GRIK2: variants seen among roughly 807,000 people sequenced by gnomAD.
GRIK2 encodes glutamate receptor ionotropic, kainate 2.
In GRIK2, 32 loss-of-function variants were observed where a neutral mutation model predicts 100.3. The observed-to-expected ratio is 0.32, with a 90% CI of 0.24 to 0.43. The LOEUF (loss-of-function observed/expected upper bound fraction) is 0.43, where lower values mean the gene tolerates loss of function less well. Ranked by LOEUF, GRIK2 falls within the 20% of genes least tolerant of loss-of-function variation. GRIK2 has a pLI of 1.00. For synonymous variants in GRIK2, 417 were observed against 389.4 expected, an observed-to-expected ratio of 1.07 and a Z score of -0.83; for missense variants, 843 against 1,114.9, an observed-to-expected ratio of 0.76 and a Z score of 3.47.
intron 15 of GRIK2, among the ~76,000 whole-genome samples, chr6:102,053,735 A>T (rs999445693): frequency 2.0e-5 from 3 of 152,164 alleles, no homozygotes; most frequent in African/African-American, 7.2e-5. Context: ...GGATGGATGG[A>T]CTGATTGGAC....
chr6:101,606,959 G>C (rs1445539277), intron 2 of GRIK2, among the ~76,000 whole-genome samples: 1 of 151,932 alleles, frequency 6.6e-6, no homozygotes, highest in African/African-American at 2.4e-5. Context: ...ACAGGTATGT[G>C]AGAAGAAAAA....
At chr6:101,882,069 C>A (rs376829478) in intron 11 of GRIK2, among the ~76,000 whole-genome samples, 1 of 151,886 alleles carries the variant, frequency 6.6e-6, no homozygotes, top group Non-Finnish European at 1.5e-5. Flanking sequence ...AGGGGAAACC[C>A]CTTATAAAAT....
chr6:101,673,115 T>C (rs1770563616), intron 4 of GRIK2, among the ~76,000 whole-genome samples: 1 of 152,124 alleles, frequency 6.6e-6, no homozygotes, highest in Admixed American at 6.6e-5. Context: ...ACTATATCTC[T>C]GACAAAGGTC....
At chr6:101,760,768 C>A (rs1777599783) in intron 7 of GRIK2, among the ~76,000 whole-genome samples, 1 of 118,360 alleles carries the variant, frequency 8.4e-6, no homozygotes, top group African/African-American at 3.5e-5. Flanking sequence ...ATATATAAAT[C>A]AAGGTTAACA....
chr6:101,487,757 T>C (rs1772904113), intron 2 of GRIK2, among the ~76,000 whole-genome samples: 1 of 146,740 alleles, frequency 6.8e-6, no homozygotes, highest in Non-Finnish European at 1.5e-5. Flanking sequence ...TTTTTTGTTC[T>C]AGTGTTATGG....
intron 2 of GRIK2, among the ~76,000 whole-genome samples, chr6:101,462,699 C>A (rs544536906): frequency 5.9e-4 from 90 of 152,184 alleles, no homozygotes; most frequent in African/African-American, 2.1e-3. Context: ...AAGTAAACTG[C>A]GAATGAAGAA....
intron 2 of GRIK2, among the ~76,000 whole-genome samples, chr6:101,601,501 T>A: frequency 6.6e-6 from 1 of 151,918 alleles, no homozygotes; most frequent in East Asian, 1.9e-4. Context: ...ATAGTTCTGG[T>A]AGAATTAGTA....
intron 2 of GRIK2, among the ~76,000 whole-genome samples, chr6:101,409,279 T>C (rs2128237545): frequency 6.6e-6 from 1 of 152,102 alleles, no homozygotes; most frequent in African/African-American, 2.4e-5. Context: ...ACTAGACAGG[T>C]TTGCAGCCTA....
At chr6:101,973,335 T>G (rs1352854240) in intron 14 of GRIK2, among the ~76,000 whole-genome samples, 1 of 151,914 alleles carries the variant, frequency 6.6e-6, no homozygotes, top group Non-Finnish European at 1.5e-5. Context: ...AACTCCTTAA[T>G]AAATGACACC....
intron 2 of GRIK2, among the ~76,000 whole-genome samples, chr6:101,421,114 C>T (rs527484443): frequency 1.3e-5 from 2 of 152,302 alleles, no homozygotes; most frequent in Admixed American, 1.3e-4. Flanking sequence ...GAAGAGTACA[C>T]TAAGTCCACT....
intron 2 of GRIK2, among the ~76,000 whole-genome samples, chr6:101,503,299 G>A (rs1189090784): frequency 2.6e-5 from 4 of 152,146 alleles, no homozygotes; most frequent in African/African-American, 9.7e-5. Context: ...TGATGAGCAG[G>A]AGGTGAGAGC....
intron 2 of GRIK2, among the ~76,000 whole-genome samples, chr6:101,531,984 C>A (rs1286153250): frequency 2.0e-5 from 3 of 151,832 alleles, no homozygotes; most frequent in Admixed American, 6.6e-5. Flanking sequence ...ATCCCAAAGC[C>A]CATTAGAAAA....
At chr6:101,499,406 A>G (rs1225430743) in intron 2 of GRIK2, among the ~76,000 whole-genome samples, 1 of 152,150 alleles carries the variant, frequency 6.6e-6, no homozygotes, top group African/African-American at 2.4e-5. Context: ...TATAGCTGTC[A>G]TAACATAAGG....
intron 10 of GRIK2, among the ~76,000 whole-genome samples, chr6:101,851,282 A>G (rs777447708): frequency 4.6e-5 from 7 of 152,042 alleles, no homozygotes; most frequent in Non-Finnish European, 1.0e-4. Context: ...GGAGGCTAGT[A>G]GGACAAGTTA....
At chr6:101,925,014 G>A (rs1472876878) in intron 13 of GRIK2, among the ~76,000 whole-genome samples, 1 of 152,100 alleles carries the variant, frequency 6.6e-6, no homozygotes. Context: ...TTAGCCAGAA[G>A]CTGCATTTAA....
intron 2 of GRIK2, among the ~76,000 whole-genome samples, chr6:101,499,150 T>C (rs1773615534): frequency 6.6e-6 from 1 of 152,162 alleles, no homozygotes; most frequent in African/African-American, 2.4e-5. Context: ...GACTTAAACG[T>C]TAGACAACCT....
chr6:101,930,303 T>C lies in GRIK2; in HGVS notation c.2085+1671T>C, dbSNP rs1164865861. ...GTTGTAGTGAGCTAAGATGGCGACATAGCACTCCAGCTTGGGCAACTGGAG... is the reference window on the plus strand; with the variant it reads ...GTTGTAGTGAGCTAAGATGGCGACACAGCACTCCAGCTTGGGCAACTGGAG... On this transcript the variant is annotated intron_variant, in intron 14 of 16. Transcript: ENST00000369134. Among the ~76,000 whole-genome samples, 9 of 150,544 alleles carry C rather than the reference T, an allele frequency of 6.0e-5. No individual in the cohort carries two copies. In the East Asian group the frequency reaches 1.2e-3, roughly 20 times the overall value.
At chr6:101,946,461 G>T (rs1018007698) in intron 14 of GRIK2, among the ~76,000 whole-genome samples, 10 of 151,808 alleles carry the variant, frequency 6.6e-5, no homozygotes, top group Admixed American at 6.6e-5. Context: ...AGCCTGGGAG[G>T]TTAAGGTTGC....
chr6:101,866,850 G>T (rs190134874), intron 11 of GRIK2, among the ~76,000 whole-genome samples: 1 of 151,206 alleles, frequency 6.6e-6, no homozygotes, highest in Admixed American at 6.6e-5. Context: ...TTTTCTGAAT[G>T]CCTATAATGC....
Sources: allele counts gnomAD v4.1 joint callset (sites outside exome capture counted in the v4.1 genomes callset), GRCh38; gene constraint gnomAD v4.1.1; transcripts MANE v1.5; gene names NCBI Gene and HGNC (gene_info 2026-07-23, HGNC 2026-07-21).